Variants in AGPAT3 observed in about 807,000 individuals in gnomAD.
AGPAT3 encodes 1-acylglycerol-3-phosphate O-acyltransferase 3.
Under a neutral mutation model 47.3 loss-of-function variants are expected in AGPAT3, and 5 were observed. That is an observed-to-expected ratio of 0.11 (90% confidence interval 0.06 to 0.22). AGPAT3 has a LOEUF of 0.22. AGPAT3 is among the 10% of genes least tolerant of loss of function. AGPAT3 has a pLI of 1.00. For synonymous variants in AGPAT3, 212 were observed against 208.3 expected (o/e 1.02, Z -0.15); for missense variants, 315 against 493.0 (o/e 0.64, Z 3.42).
Position 43,981,309 on chromosome 21 carries a change from C to T in AGPAT3, c.1042+122C>T. On this transcript the variant is annotated intron_variant, in intron 9 of 9. Coordinates refer to ENST00000291572, the MANE Select transcript of AGPAT3 (RefSeq NM_020132.5). This position sits in a 1 kb window ranked among gnomAD's most constrained non-coding sequence, Gnocchi z 5.3. ...AGGCAGGGGCCTGGCTGTTATGGAC[C>T]CTGGAGCCAGGATCCCCCCACGGCC... 1 of 1,103,146 alleles carries T rather than the reference C, an allele frequency of 9.1e-7. No individual in the cohort carries two copies. Among genetic ancestry groups the T allele is most frequent in the Non-Finnish European group, 1.3e-6 (1 of 749,944 alleles). The allele number at this position is 1,103,146 out of a possible 1,614,324, so 68.3% of individuals were successfully genotyped here.
At chr21:43,905,984 G>C (rs372644092) in intron 2 of AGPAT3, among the ~76,000 whole-genome samples, 1 of 152,228 alleles carries the variant, frequency 6.6e-6, no homozygotes, top group African/African-American at 2.4e-5. Flanking sequence ...GCCAAGGCGC[G>C]TCAGGCATCA....
At chr21:43,929,322 A>G (rs1361519733) in intron 2 of AGPAT3, among the ~76,000 whole-genome samples, 2 of 152,196 alleles carry the variant, frequency 1.3e-5, no homozygotes, top group Non-Finnish European at 2.9e-5. Context: ...TGGTTTGCAT[A>G]GTAACCCGCG....
intron 2 of AGPAT3, among the ~76,000 whole-genome samples, chr21:43,944,593 G>GCTTGTTC (rs2087800470): frequency 6.6e-6 from 1 of 152,260 alleles, no homozygotes; most frequent in African/African-American, 2.4e-5. Flanking sequence ...CCCCAGAAAA[G>GCTTGTTC]CACAGAAAAC....
Position 43,920,222 on chromosome 21 carries a change from T to A in AGPAT3, c.-49+16203T>A, listed in dbSNP as rs201823382. On this transcript the variant is annotated intron_variant, in intron 2 of 9. Coordinates refer to ENST00000291572, the MANE Select transcript of AGPAT3 (RefSeq NM_020132.5). The surrounding 1 kb of genome is among the most constrained non-coding windows in gnomAD (Gnocchi z 6.1). ...GTCTTCAGCCCTGTGTGTGTGTGTG[T>A]GAGAGATTGTGAGTGAGTGTGTGTG... 2.5e-5 allele frequency among the ~76,000 whole-genome samples: 3 copies of A among 119,628 alleles called. No individual in the cohort carries two copies. Among genetic ancestry groups the A allele is most frequent in the African/African-American group, 6.2e-5 (2 of 32,480 alleles). The allele number at this position is 119,628 out of a possible 152,430, so 78.5% of individuals were successfully genotyped here.
At chr21:43,971,635 C>T (rs1265212806) in intron 7 of AGPAT3, 145 bp downstream of exon 7, 1 of 729,246 alleles carries the variant, frequency 1.4e-6, no homozygotes, top group Non-Finnish European at 2.3e-6. Context: ...TGTCTGCAGC[C>T]CTGCCCTGCT....
At chr21:43,883,929 C>G (rs1415886728) in intron 1 of AGPAT3, among the ~76,000 whole-genome samples, 1 of 152,058 alleles carries the variant, frequency 6.6e-6, no homozygotes, top group East Asian at 1.9e-4. Flanking sequence ...GGGGTTTCTC[C>G]ATGTTGGTCG....
intron 3 of AGPAT3, among the ~76,000 whole-genome samples, chr21:43,961,836 G>T (rs115168529): frequency 6.6e-6 from 1 of 152,188 alleles, no homozygotes; most frequent in African/African-American, 2.4e-5. Context: ...TTGTCTGCAC[G>T]ATCTCCTTCC....
At chr21:43,892,222 G>A (rs755211539) in intron 1 of AGPAT3, among the ~76,000 whole-genome samples, 64 of 151,872 alleles carry the variant, frequency 4.2e-4, no homozygotes, top group Middle Eastern at 3.4e-3. Flanking sequence ...CAGGAGAATC[G>A]CTTGAATCTG....
chr21:43,971,323 T>C, intron 6 of AGPAT3, 65 bp from the exon 7 acceptor site: 1 of 1,467,968 alleles, frequency 6.8e-7, no homozygotes, highest in Non-Finnish European at 9.5e-7. Flanking sequence ...AACTTGCTTT[T>C]CCCTCTGGCA....
At chr21:43,906,784 C>T (rs2838430) in intron 2 of AGPAT3, among the ~76,000 whole-genome samples, 2 of 152,300 alleles carry the variant, frequency 1.3e-5, no homozygotes, top group South Asian at 4.1e-4. Context: ...ACACTGCCGG[C>T]TACTTGCCCA....
intron 2 of AGPAT3, among the ~76,000 whole-genome samples, chr21:43,953,477 C>T (rs1390923969): frequency 1.3e-5 from 2 of 152,166 alleles, no homozygotes; most frequent in Admixed American, 6.5e-5. Context: ...AAGAAATAGG[C>T]AAGTGAGTTT....
intron 2 of AGPAT3, among the ~76,000 whole-genome samples, chr21:43,929,420 G>C (rs1032251677): frequency 6.6e-6 from 1 of 152,228 alleles, no homozygotes; most frequent in Non-Finnish European, 1.5e-5. Context: ...ACCACGGCCC[G>C]TGCTGACCCC....
At position 43,985,101 on chromosome 21, in the gene AGPAT3, C is replaced by T. The variant is rs1377815407; in HGVS notation, c.*2709C>T. On this transcript the variant is annotated 3_prime_UTR_variant, in exon 10 of 10. Transcript: ENST00000291572. ...ACCCACGGGCGTCTGGCCGGTCAAG[C>T]TCCCAGCCTGGGCCGTGGTCTCCTG... 11 of 456,146 alleles carry T rather than the reference C, an allele frequency of 2.4e-5. No individual in the cohort carries two copies. The Admixed American group carries it at 2.6e-4, about 11-fold the overall frequency. 28.3% of individuals were successfully genotyped at this position (456,146 alleles called of 1,614,324 possible). A position where few individuals can be genotyped will look rare whatever the true frequency, so the allele number is the denominator to read the frequency against.
At chr21:43,960,314 C>G (rs763435588) in intron 3 of AGPAT3, among the ~76,000 whole-genome samples, 1 of 152,166 alleles carries the variant, frequency 6.6e-6, no homozygotes, top group Non-Finnish European at 1.5e-5. Flanking sequence ...GTGTGTCTGT[C>G]CGTATGTGCC....
In AGPAT3 at chr21:43,954,864, C is replaced by A; in HGVS notation, c.-48-4770C>A. 7.6e-6 allele frequency: 2 copies of A among 264,666 alleles called. No homozygotes were observed. The highest frequency in any genetic ancestry group is 1.3e-5 in the Non-Finnish European group (2 of 157,798). 16.4% of individuals were successfully genotyped at this position (264,666 alleles called of 1,614,324 possible). ...TGTGTGGCACCCGGGCCAGGAGAAA[C>A]ATGTGCCAGAGGGCAGGCGTGGGCT... On this transcript the variant is annotated intron_variant, in intron 2 of 9. Coordinates refer to ENST00000291572, the MANE Select transcript of AGPAT3 (RefSeq NM_020132.5). This position sits in a 1 kb window ranked among gnomAD's most constrained non-coding sequence, Gnocchi z 4.0.
intron 7 of AGPAT3, among the ~76,000 whole-genome samples, chr21:43,976,396 C>T (rs929780287): frequency 6.6e-6 from 1 of 152,196 alleles, no homozygotes; most frequent in Non-Finnish European, 1.5e-5. Context: ...GATGGGGTTT[C>T]ACCATGTTGG....
At chr21:43,963,096 A>G (rs1305764214) in intron 3 of AGPAT3, among the ~76,000 whole-genome samples, 1 of 152,256 alleles carries the variant, frequency 6.6e-6, no homozygotes, top group Non-Finnish European at 1.5e-5. Flanking sequence ...ATTTTGTATC[A>G]GATTAGACAC....
rs2086872342 is a variant in AGPAT3, at chr21:43,920,690, T to C, written c.-49+16671T>C. Among the ~76,000 whole-genome samples, 1 of 150,616 alleles carries C rather than the reference T, an allele frequency of 6.6e-6. No homozygotes were observed. Among genetic ancestry groups the C allele is most frequent in the African/African-American group, 2.4e-5 (1 of 40,840 alleles). On this transcript the variant is annotated intron_variant, in intron 2 of 9. Transcript: ENST00000291572. The surrounding 1 kb of genome is among the most constrained non-coding windows in gnomAD (Gnocchi z 6.1). ...CCACAGACTCCCTCAAGGACAGCGTTTGGGGGCTTGCAGGCTGCTAAGCAC... is the reference window on the plus strand; with the variant it reads ...CCACAGACTCCCTCAAGGACAGCGTCTGGGGGCTTGCAGGCTGCTAAGCAC...
intron 3 of AGPAT3, 155 bp from the exon 4 acceptor site, chr21:43,967,791 T>C: frequency 1.4e-6 from 1 of 713,708 alleles, no homozygotes; most frequent in Non-Finnish European, 2.2e-6. Flanking sequence ...GTTATTGTAA[T>C]TTCATAAAAC....
Sources: allele counts gnomAD v4.1 joint callset (sites outside exome capture counted in the v4.1 genomes callset), GRCh38; gene constraint gnomAD v4.1.1; non-coding constraint Gnocchi (gnomAD v3.1); transcripts MANE v1.5; gene names NCBI Gene and HGNC (gene_info 2026-07-23, HGNC 2026-07-21).